Variants in TMEM178B observed in about 807,000 individuals in gnomAD.
TMEM178B encodes the protein transmembrane protein 178B.
Under a neutral mutation model 31.0 loss-of-function variants are expected in TMEM178B, and 5 were observed. The observed-to-expected ratio is 0.16, with a 90% CI of 0.08 to 0.34. The LOEUF (loss-of-function observed/expected upper bound fraction) is 0.34. TMEM178B is among the 10% of genes least tolerant of loss of function. The pLI, the probability that TMEM178B is intolerant of heterozygous loss-of-function variation, is 1.00. For synonymous variants in TMEM178B, 164 were observed against 164.0 expected (o/e 1.00, Z 0.00); for missense variants, 275 against 400.3 (o/e 0.69, Z 2.67).
intron 2 of TMEM178B, among the ~76,000 whole-genome samples, chr7:141,367,329 C>T (rs1399201643): frequency 6.6e-6 from 1 of 151,836 alleles, no homozygotes; most frequent in Admixed American, 6.6e-5. Context: ...AGTGCAGTGA[C>T]ATGATCTCGA....
the TMEM178B span, among the ~76,000 whole-genome samples, chr7:141,486,348 G>A: frequency 2.6e-5 from 4 of 152,112 alleles, no homozygotes; most frequent in Non-Finnish European, 5.9e-5. Context: ...TGACTTCATC[G>A]CTAATCAATG....
intron 1 of TMEM178B, among the ~76,000 whole-genome samples, chr7:141,138,790 G>A (rs1391361990): frequency 6.6e-6 from 1 of 151,950 alleles, no homozygotes; most frequent in African/African-American, 2.4e-5. Flanking sequence ...AGACCATCCT[G>A]GCTAACATGG....
intron 2 of TMEM178B, among the ~76,000 whole-genome samples, chr7:141,364,319 A>G (rs1355582950): frequency 6.6e-6 from 1 of 152,154 alleles, no homozygotes; most frequent in Non-Finnish European, 1.5e-5. Context: ...ACTCCCTTTC[A>G]AAGAAAATAC....
intron 2 of TMEM178B, among the ~76,000 whole-genome samples, chr7:141,293,898 A>G (rs1798588254): frequency 6.6e-6 from 1 of 152,226 alleles, no homozygotes; most frequent in African/African-American, 2.4e-5. Flanking sequence ...AAACGTAGGA[A>G]ACCCAAAAGA....
intron 2 of TMEM178B, among the ~76,000 whole-genome samples, chr7:141,243,595 G>A (rs1797678657): frequency 6.6e-6 from 1 of 152,018 alleles, no homozygotes; most frequent in South Asian, 2.1e-4. Context: ...CCGTTACCAG[G>A]TCACTCTCCT....
At chr7:141,404,282 G>A (rs1002704120) in intron 2 of TMEM178B, among the ~76,000 whole-genome samples, 1 of 152,208 alleles carries the variant, frequency 6.6e-6, no homozygotes, top group Admixed American at 6.5e-5. Context: ...TCCAGCCTGG[G>A]CAACAGAGTG....
At chr7:141,346,249 CA>C in intron 2 of TMEM178B, among the ~76,000 whole-genome samples, 1 of 151,798 alleles carries the variant, frequency 6.6e-6, no homozygotes, top group Middle Eastern at 3.4e-3. Flanking sequence ...AACCAAAAAA[CA>C]AACAAAAAAA....
At chr7:141,314,269 T>G (rs1453191341) in intron 2 of TMEM178B, among the ~76,000 whole-genome samples, 1 of 152,192 alleles carries the variant, frequency 6.6e-6, no homozygotes, top group African/African-American at 2.4e-5. Flanking sequence ...TTCAGGCCTC[T>G]CACACATCAT....
Position 141,470,794 on chromosome 7 carries a change from AC to A in TMEM178B, c.*11del. ...AATGGGACAGTGTGCTAAAAAACAA[AC>A]CCATACATACATATATATATATAAA... On this transcript the variant is annotated 3_prime_UTR_variant, in exon 4 of 4. Coordinates refer to ENST00000565468, the MANE Select transcript of TMEM178B (RefSeq NM_001195278.2). 7.2e-7 allele frequency: 1 copy of A among 1,393,974 alleles called. No individual in the cohort carries two copies. The highest frequency in any genetic ancestry group is 2.8e-5 in the East Asian group (1 of 36,306). The allele number at this position is 1,393,974 out of a possible 1,614,324, so 86.4% of individuals were successfully genotyped here.
downstream of TMEM178B, among the ~76,000 whole-genome samples, chr7:141,481,570 C>T (rs912301281): frequency 2.0e-5 from 3 of 152,102 alleles, no homozygotes; most frequent in Admixed American, 2.0e-4. Flanking sequence ...AGAAGACCTG[C>T]GTGGATTTAC....
intron 2 of TMEM178B, among the ~76,000 whole-genome samples, chr7:141,296,793 C>T (rs1476411300): frequency 6.6e-6 from 1 of 152,148 alleles, no homozygotes; most frequent in Non-Finnish European, 1.5e-5. Context: ...TTCTCTGCAC[C>T]GTCTCCCATC....
the TMEM178B span, among the ~76,000 whole-genome samples, chr7:141,488,327 A>C: frequency 6.6e-6 from 1 of 152,212 alleles, no homozygotes; most frequent in Non-Finnish European, 1.5e-5. Context: ...AGCTTCATCT[A>C]CACTAAAATT....
chr7:141,298,127 A>G (rs1276861108), intron 2 of TMEM178B, among the ~76,000 whole-genome samples: 1 of 152,024 alleles, frequency 6.6e-6, no homozygotes, highest in Non-Finnish European at 1.5e-5. Context: ...GCATTTTTTC[A>G]TGTGTCTGTT....
intron 2 of TMEM178B, among the ~76,000 whole-genome samples, chr7:141,328,898 A>G (rs763378797): frequency 7.3e-5 from 11 of 151,124 alleles, no homozygotes; most frequent in Non-Finnish European, 1.6e-4. Flanking sequence ...GTTTCTGTGA[A>G]TAGCTCAAGG....
rs1452860304 is a variant in TMEM178B, at chr7:141,471,174, G to A, written c.*388G>A. The A allele has an allele frequency of 3.3e-5, 5 of 152,234 alleles. No homozygotes were observed. Among genetic ancestry groups the A allele is most frequent in the African/African-American group, 1.2e-4 (5 of 41,526 alleles). 9.4% of individuals were successfully genotyped at this position (152,234 alleles called of 1,614,324 possible). On this transcript the variant is annotated 3_prime_UTR_variant, in exon 4 of 4. Transcript: ENST00000565468. This position sits in a 1 kb window ranked among gnomAD's most constrained non-coding sequence, Gnocchi z 4.1. The stretch of plus-strand genomic sequence containing the variant: ...CGGGAGAGGACGCCACCCCTAACCA[G>A]TCATATCACAGGGTAACAAAGCCCT...
chr7:141,205,237 C>A (rs1796943917), intron 1 of TMEM178B, among the ~76,000 whole-genome samples: 1 of 152,176 alleles, frequency 6.6e-6, no homozygotes, highest in African/African-American at 2.4e-5. Context: ...GGGGCAGTCA[C>A]AATGTATATT....
intron 1 of TMEM178B, among the ~76,000 whole-genome samples, chr7:141,108,801 G>T (rs1795186872): frequency 6.6e-6 from 1 of 152,176 alleles, no homozygotes; most frequent in African/African-American, 2.4e-5. Context: ...AAGGCAGAGA[G>T]TTGGAGTTAA....
intron 1 of TMEM178B, among the ~76,000 whole-genome samples, chr7:141,194,452 G>A (rs1256120582): frequency 6.6e-6 from 1 of 152,160 alleles, no homozygotes; most frequent in Non-Finnish European, 1.5e-5. Context: ...GCAGTCAAAT[G>A]TTAAAGCTCC....
chr7:141,312,188 T>A (rs771005770), intron 2 of TMEM178B, among the ~76,000 whole-genome samples: 1 of 152,232 alleles, frequency 6.6e-6, no homozygotes, highest in Non-Finnish European at 1.5e-5. Context: ...GAAGTGAATA[T>A]CCAACTACCT....
Sources: allele counts gnomAD v4.1 joint callset (sites outside exome capture counted in the v4.1 genomes callset), GRCh38; gene constraint gnomAD v4.1.1; non-coding constraint Gnocchi (gnomAD v3.1); transcripts MANE v1.5; gene names NCBI Gene and HGNC (gene_info 2026-07-23, HGNC 2026-07-21).